BBS9: variants seen among roughly 807,000 people sequenced by gnomAD.
The protein encoded by BBS9 is Bardet-Biedl syndrome 9, also known as protein PTHB1.
In BBS9, 89 loss-of-function variants were observed where a neutral mutation model predicts 117.7. The observed-to-expected ratio is 0.76, with a 90% CI of 0.64 to 0.90. The LOEUF (loss-of-function observed/expected upper bound fraction) is 0.90, where lower values mean the gene tolerates loss of function less well. Ranked by LOEUF, BBS9 falls within the 40% of genes least tolerant of loss-of-function variation. The probability of loss-of-function intolerance (pLI) is 0.00; values close to 1 mark genes in which losing one functional copy is unlikely to be tolerated. For synonymous variants in BBS9, 379 were observed against 370.9 expected, an observed-to-expected ratio of 1.02 and a Z score of -0.25; for missense variants, 982 against 1,042.2, an observed-to-expected ratio of 0.94 and a Z score of 0.80.
chr7:33,515,167 T>C (rs1208663008), intron 20 of BBS9, among the ~76,000 whole-genome samples: 1 of 152,236 alleles, frequency 6.6e-6, no homozygotes. Context: ...AATAGTTTTA[T>C]CCCTTACTTT....
At chr7:33,169,399 A>G (rs987916184) in intron 4 of BBS9, among the ~76,000 whole-genome samples, 1 of 151,644 alleles carries the variant, frequency 6.6e-6, no homozygotes, top group African/African-American at 2.4e-5. Context: ...GACTTCCACA[A>G]TGGTTGAACT....
At chr7:33,609,995 A>G (rs1864775974), downstream of BBS9, among the ~76,000 whole-genome samples, 1 of 152,040 alleles carries the variant, frequency 6.6e-6, no homozygotes, top group Admixed American at 6.6e-5. Flanking sequence ...AGGGGAAGAC[A>G]GGCAGAAGAG....
chr7:33,618,462 C>T (rs1057446419), intron 21 of BBS9, among the ~76,000 whole-genome samples: 1 of 151,992 alleles, frequency 6.6e-6, no homozygotes, highest in Non-Finnish European at 1.5e-5. Flanking sequence ...CATGGTGGTG[C>T]ATAAATCACT....
intron 21 of BBS9, among the ~76,000 whole-genome samples, chr7:33,634,597 A>T (rs1418895727): frequency 6.6e-6 from 1 of 152,108 alleles, no homozygotes; most frequent in Non-Finnish European, 1.5e-5. Flanking sequence ...CCTTGGTCCT[A>T]TTACCCCAGG....
At chr7:33,157,714 G>T (rs1794297993) in intron 4 of BBS9, 1 of 152,164 alleles carries the variant, frequency 6.6e-6, no homozygotes. Context: ...TTCTTCAACT[G>T]CTCCCTTCTC....
intron 5 of BBS9, among the ~76,000 whole-genome samples, chr7:33,220,777 T>C (rs1790094881): frequency 6.6e-6 from 1 of 152,244 alleles, no homozygotes; most frequent in Non-Finnish European, 1.5e-5. Context: ...AGTGCCCTTT[T>C]TAATTCTCAC....
intron 20 of BBS9, among the ~76,000 whole-genome samples, chr7:33,529,239 C>G (rs958405997): frequency 1.3e-5 from 2 of 152,172 alleles, no homozygotes; most frequent in Non-Finnish European, 2.9e-5. Flanking sequence ...AAACAGGGGA[C>G]TGGGCAGCCA....
Position 33,417,827 on chromosome 7 carries a change from C to T in BBS9, c.2115+29683C>T, listed in dbSNP as rs143381202. Among the ~76,000 whole-genome samples the T allele has an allele frequency of 1.9e-3, 290 of 152,270 alleles. 3 individuals are homozygous for T. Among genetic ancestry groups the T allele is most frequent in the East Asian group, 0.016 (81 of 5,184 alleles). Reference sequence around the variant, plus strand: ...GGAACCTCACCAAAAGATTAAAGAACAGAAAATAAATCAGGTAATGAGGAG... The same window carrying T: ...GGAACCTCACCAAAAGATTAAAGAATAGAAAATAAATCAGGTAATGAGGAG... On this transcript the variant is annotated intron_variant, in intron 19 of 22. Coordinates refer to ENST00000242067, the MANE Select transcript of BBS9 (RefSeq NM_198428.3).
chr7:33,506,252 G>C (rs1846134641), intron 20 of BBS9, among the ~76,000 whole-genome samples: 1 of 152,164 alleles, frequency 6.6e-6, no homozygotes, highest in African/African-American at 2.4e-5. Flanking sequence ...GAATTGTAGA[G>C]ATATATATGA....
At chr7:33,223,727 G>A (rs576740170) in intron 5 of BBS9, among the ~76,000 whole-genome samples, 1 of 151,610 alleles carries the variant, frequency 6.6e-6, no homozygotes, top group Non-Finnish European at 1.5e-5. Context: ...GATCAAAGAA[G>A]ACTTCCTTTA....
intron 9 of BBS9, among the ~76,000 whole-genome samples, chr7:33,292,360 T>A (rs1254197450): frequency 6.6e-6 from 1 of 152,120 alleles, no homozygotes; most frequent in African/African-American, 2.4e-5. Flanking sequence ...CCCAGGTAGC[T>A]GGGACCATAG....
chr7:33,132,168 A>G (rs545241097), intron 1 of BBS9, among the ~76,000 whole-genome samples: 34 of 152,250 alleles, frequency 2.2e-4, no homozygotes, highest in Admixed American at 5.9e-4. Flanking sequence ...GAATAGAGCT[A>G]TTGCTTTTAT....
At chr7:33,572,005 T>C (rs1563380621) in intron 21 of BBS9, among the ~76,000 whole-genome samples, 2 of 152,014 alleles carry the variant, frequency 1.3e-5, no homozygotes, top group Non-Finnish European at 2.9e-5. Flanking sequence ...TATAGTCTTT[T>C]TATTGTGCTT....
chr7:33,470,012 T>C (rs1249862829), intron 19 of BBS9, among the ~76,000 whole-genome samples: 1 of 152,204 alleles, frequency 6.6e-6, no homozygotes, highest in Non-Finnish European at 1.5e-5. Flanking sequence ...CTGTGTTAAA[T>C]TGAATTTGTT....
chr7:33,463,249 A>G (rs1839730862), intron 19 of BBS9, among the ~76,000 whole-genome samples: 1 of 152,082 alleles, frequency 6.6e-6, no homozygotes, highest in Non-Finnish European at 1.5e-5. Flanking sequence ...CACGTAGACC[A>G]AAACACAGAC....
rs757628818 is a variant in BBS9, at chr7:33,177,442, A to G, written c.329-36A>G. 6 of 1,406,690 alleles carry G rather than the reference A, an allele frequency of 4.3e-6. No homozygotes were observed. In the Admixed American group the frequency reaches 1.0e-4, roughly 24 times the overall value. 87.1% of individuals were successfully genotyped at this position (1,406,690 alleles called of 1,614,324 possible). ...AACAAATTAATGTTTTTTAGTGTAC[A>G]CAAATACAAAGTAATCCTTTTTTTT... On this transcript the variant is annotated intron_variant, in intron 4 of 22. Coordinates refer to ENST00000242067, the MANE Select transcript of BBS9 (RefSeq NM_198428.3).
chr7:33,219,893 G>C (rs985601657), intron 5 of BBS9, among the ~76,000 whole-genome samples: 1 of 152,066 alleles, frequency 6.6e-6, no homozygotes, highest in Non-Finnish European at 1.5e-5. Flanking sequence ...CACTCTTTGG[G>C]TCCACACTGC....
At chr7:33,274,122 G>T (rs1377850458) in intron 9 of BBS9, among the ~76,000 whole-genome samples, 166 bp downstream of exon 9, 1 of 152,140 alleles carries the variant, frequency 6.6e-6, no homozygotes, top group Non-Finnish European at 1.5e-5. Context: ...TATTGGAAAG[G>T]AAGGATAATT....
At chr7:33,441,767 A>C (rs936751971) in intron 19 of BBS9, among the ~76,000 whole-genome samples, 11 of 152,104 alleles carry the variant, frequency 7.2e-5, no homozygotes, top group Non-Finnish European at 1.6e-4. Flanking sequence ...AGAATCCATT[A>C]TGAGGACTTG....
Sources: allele counts gnomAD v4.1 joint callset (sites outside exome capture counted in the v4.1 genomes callset), GRCh38; gene constraint gnomAD v4.1.1; transcripts MANE v1.5; gene names NCBI Gene and HGNC (gene_info 2026-07-23, HGNC 2026-07-21).